Variants in ABCC1 observed in about 807,000 individuals in gnomAD.
ABCC1 encodes multidrug resistance-associated protein 1.
Under a neutral mutation model 172.9 loss-of-function variants are expected in ABCC1, and 83 were observed. The ratio of observed to expected loss-of-function variants is 0.48; its 90% CI spans 0.40 to 0.58. ABCC1 has a LOEUF of 0.58. ABCC1 is among the 20% of genes least tolerant of loss of function. The pLI is 0.00. For synonymous variants in ABCC1, 937 were observed against 825.2 expected (o/e 1.14, Z -2.32); for missense variants, 1,817 against 2,002.7 (o/e 0.91, Z 1.77).
intron 18 of ABCC1, 79 bp downstream of exon 18, chr16:16,087,070 C>A: frequency 6.8e-7 from 1 of 1,462,710 alleles, no homozygotes; most frequent in South Asian, 1.2e-5. Context: ...CTTTAGGAGT[C>A]CTTTACTTTC....
rs778488033 is a variant in ABCC1 at position 16,138,314 on chromosome 16, A to G, written c.4293-50A>G. 6 of 1,528,050 alleles carry G rather than the reference A, an allele frequency of 3.9e-6. No individual in the cohort carries two copies. In the South Asian group the frequency reaches 6.2e-5, roughly 16 times the overall value. 94.7% of individuals were successfully genotyped at this position (1,528,050 alleles called of 1,614,324 possible). A position where few individuals can be genotyped will look rare whatever the true frequency, so the allele number is the denominator to read the frequency against. ...CCAGCCTGGGCCTAGGTTCAGGGTC[A>G]GGGGTGGTTTGACCCAACACTATCT... On this transcript the variant is annotated intron_variant, in intron 29 of 30. Coordinates refer to ENST00000399410, the MANE Select transcript of ABCC1 (RefSeq NM_004996.4).
chr16:16,037,512 A>T (rs2048802916), intron 7 of ABCC1, among the ~76,000 whole-genome samples: 1 of 152,216 alleles, frequency 6.6e-6, no homozygotes, highest in Admixed American at 6.5e-5. Flanking sequence ...CAATTAAACA[A>T]GGACATAAGA....
chr16:16,029,680 C>T (rs1297893081), intron 5 of ABCC1, among the ~76,000 whole-genome samples: 2 of 152,196 alleles, frequency 1.3e-5, no homozygotes, highest in African/African-American at 4.8e-5. Context: ...CATTGCTCAA[C>T]TTTCTCTAAT....
chr16:15,976,900 G>C (rs1201660693), intron 1 of ABCC1, among the ~76,000 whole-genome samples: 2 of 152,204 alleles, frequency 1.3e-5, no homozygotes, highest in African/African-American at 2.4e-5. Context: ...GGAAGTAGTA[G>C]GACAGGGACT....
intron 6 of ABCC1, among the ~76,000 whole-genome samples, chr16:16,033,605 A>G (rs888428217): frequency 6.6e-6 from 1 of 152,224 alleles, no homozygotes; most frequent in East Asian, 1.9e-4. Context: ...GGAGACATCT[A>G]GAGGTAACCA....
chr16:15,952,748 G>A (rs1421206473), intron 1 of ABCC1, among the ~76,000 whole-genome samples: 3 of 144,028 alleles, frequency 2.1e-5, no homozygotes, highest in Non-Finnish European at 3.0e-5. Context: ...AAAAAAAGCA[G>A]GCCGGGTGCA....
intron 24 of ABCC1, among the ~76,000 whole-genome samples, chr16:16,123,167 G>A (rs1484173148): frequency 2.6e-5 from 4 of 152,106 alleles, no homozygotes; most frequent in Admixed American, 6.6e-5. Context: ...AGAATTTTTA[G>A]GGAGTTTGTC....
chr16:16,001,544 T>G (rs1597096471), intron 1 of ABCC1, among the ~76,000 whole-genome samples: 1 of 152,088 alleles, frequency 6.6e-6, no homozygotes, highest in Non-Finnish European at 1.5e-5. Context: ...GGAAGTTGTT[T>G]CCCAGCAGAA....
chr16:16,104,311 G>C (rs536154735), intron 20 of ABCC1, among the ~76,000 whole-genome samples: 3 of 152,154 alleles, frequency 2.0e-5, no homozygotes, highest in Non-Finnish European at 2.9e-5. Flanking sequence ...ATTTTACAGA[G>C]AGCCGATTGG....
In ABCC1 at chr16:16,016,572, C is replaced by G. The variant is rs1368332450; in HGVS notation, c.566C>G (p.Ser189Cys). The change falls in exon 5 of 31, where the codon TCC (serine) becomes TGC (cysteine). Residue 189 changes from serine (S) to cysteine (C), a missense_variant. Ser to Cys is a moderately radical substitution (Grantham distance 112). This residue lies in a region of ABCC1 where 398 missense variants were observed against 384.2 expected (regional missense o/e 1.04). Transcript: ENST00000399410. ...FSLLLIQLVLSCFSDRSPLFS... is the reference protein window; with the variant it reads ...FSLLLIQLVLCCFSDRSPLFS... ...CTCTTACTCATTCAGCTCGTCTTGT[C>G]CTGTTTCTCAGATCGCTCACCCCTG... 19 of 1,614,030 alleles carry G rather than the reference C, an allele frequency of 1.2e-5. No individual in the cohort carries two copies. Among genetic ancestry groups the G allele is most frequent in the Non-Finnish European group, 1.6e-5 (19 of 1,180,024 alleles).
At position 16,013,950 on chromosome 16, in the gene ABCC1, C is replaced by T. The variant is rs552700313; in HGVS notation, c.352-541C>T. On this transcript the variant is annotated intron_variant, in intron 3 of 30. Coordinates refer to ENST00000399410, the MANE Select transcript of ABCC1 (RefSeq NM_004996.4). Reference sequence around the variant, plus strand: ...ATGGGGCAGAGGCTGACCCCGGGAACGTTGAGCATCAGGGCAAGTGGGTTT... The same window carrying T: ...ATGGGGCAGAGGCTGACCCCGGGAATGTTGAGCATCAGGGCAAGTGGGTTT... Among the ~76,000 whole-genome samples, 8 of 152,214 alleles carry T rather than the reference C, an allele frequency of 5.3e-5. No individual in the cohort carries two copies. The South Asian group carries it at 1.0e-3, about 20-fold the overall frequency.
intron 20 of ABCC1, among the ~76,000 whole-genome samples, chr16:16,103,991 A>T (rs1044740022): frequency 2.6e-5 from 4 of 151,992 alleles, no homozygotes; most frequent in African/African-American, 9.7e-5. Flanking sequence ...TGGCCTCAGG[A>T]GTGAAGCTGC....
intron 14 of ABCC1, among the ~76,000 whole-genome samples, chr16:16,075,155 G>T (rs1483661185): frequency 6.6e-6 from 1 of 151,974 alleles, no homozygotes; most frequent in African/African-American, 2.4e-5. Flanking sequence ...ACGTTGGCCA[G>T]GCTGGTCTCG....
intron 15 of ABCC1, among the ~76,000 whole-genome samples, chr16:16,077,078 C>T (rs1384178096): frequency 2.0e-5 from 3 of 152,166 alleles, no homozygotes; most frequent in African/African-American, 7.2e-5. Flanking sequence ...CACATGATGT[C>T]TAGGAAATTG....
At chr16:15,975,541 GT>G (rs112315263) in intron 1 of ABCC1, among the ~76,000 whole-genome samples, 42 of 86,794 alleles carry the variant, frequency 4.8e-4, no homozygotes, top group South Asian at 4.0e-3. Flanking sequence ...TTTTGTGGTG[GT>G]TTTTTTTGTT....
At chr16:16,031,427 A>G (rs907717678) in intron 5 of ABCC1, among the ~76,000 whole-genome samples, 5 of 152,094 alleles carry the variant, frequency 3.3e-5, no homozygotes, top group African/African-American at 1.2e-4. Context: ...CCTTGCCTGC[A>G]TGTTGTTGAC....
intron 1 of ABCC1, among the ~76,000 whole-genome samples, chr16:15,965,162 T>A (rs2046216423): frequency 6.6e-6 from 1 of 152,242 alleles, no homozygotes; most frequent in East Asian, 1.9e-4. Flanking sequence ...TTTTCCCATG[T>A]ACCCACGTAA....
At chr16:16,029,013 C>G (rs2048470760) in intron 5 of ABCC1, among the ~76,000 whole-genome samples, 1 of 152,038 alleles carries the variant, frequency 6.6e-6, no homozygotes, top group African/African-American at 2.4e-5. Flanking sequence ...GGTTGGGGCC[C>G]TAGGCACTTG....
intron 3 of ABCC1, among the ~76,000 whole-genome samples, chr16:16,013,113 G>A (rs16967145): frequency 0.23 from 35,219 of 151,946 alleles, 5,168 homozygotes; most frequent in African/African-American, 0.41. Context: ...GAACTGGCCT[G>A]TGAGATCCTC....
Sources: gnomAD v4.1 joint callset for allele counts (sites outside exome capture counted in the v4.1 genomes callset) on GRCh38, gnomAD v4.1.1 for gene constraint, gnomAD v4.1.1 regional missense constraint, MANE v1.5 for transcripts, NCBI Gene and HGNC (gene_info 2026-07-23, HGNC 2026-07-21) for gene names.